The following LONP2 variants were observed in gnomAD, a reference collection of about 807,000 sequenced individuals.
The protein encoded by LONP2 is lon peptidase 2, peroxisomal.
A neutral mutation model predicts 85.6 loss-of-function variants in LONP2; 60 were observed. The observed-to-expected ratio is 0.70, with a 90% CI of 0.57 to 0.87. The LOEUF is 0.87. LONP2 is among the 40% of genes least tolerant of loss of function. LONP2 has a pLI of 0.00. For synonymous variants in LONP2, 395 were observed against 389.7 expected, an observed-to-expected ratio of 1.01 and a Z score of -0.16; for missense variants, 860 against 1,063.5, an observed-to-expected ratio of 0.81 and a Z score of 2.66.
intron 14 of LONP2, among the ~76,000 whole-genome samples, chr16:48,350,527 G>T (rs1960110517): frequency 6.6e-6 from 1 of 152,196 alleles, no homozygotes; most frequent in Non-Finnish European, 1.5e-5. Context: ...ACACTCTTTT[G>T]AAGAAGGTAC....
intron 6 of LONP2, among the ~76,000 whole-genome samples, chr16:48,267,435 G>A (rs187328274): frequency 4.2e-4 from 64 of 152,166 alleles, no homozygotes; most frequent in African/African-American, 1.4e-3. Flanking sequence ...AAGTAGCTGG[G>A]ATTACAGGCG....
intron 8 of LONP2, among the ~76,000 whole-genome samples, chr16:48,286,069 C>T (rs978302808): frequency 6.6e-6 from 1 of 151,676 alleles, no homozygotes. Flanking sequence ...ACTGACTTCA[C>T]TTAGTTTCCT....
chr16:48,252,044 G>A (rs1971663565), intron 1 of LONP2, 87 bp from the exon 2 acceptor site: 1 of 984,012 alleles, frequency 1.0e-6, no homozygotes, highest in Non-Finnish European at 1.4e-6. Flanking sequence ...CTTAATGAAT[G>A]TATCAGAAAA....
intron 12 of LONP2, among the ~76,000 whole-genome samples, chr16:48,339,918 G>A (rs1400208739): frequency 6.6e-6 from 1 of 152,114 alleles, no homozygotes; most frequent in East Asian, 1.9e-4. Context: ...GATGGTCAGG[G>A]GTTTCAGAGG....
At chr16:48,322,747 A>T (rs1350506358) in intron 11 of LONP2, among the ~76,000 whole-genome samples, 1 of 152,162 alleles carries the variant, frequency 6.6e-6, no homozygotes, top group East Asian at 1.9e-4. Flanking sequence ...TTTTTAAATG[A>T]AGCATAGTAA....
intron 10 of LONP2, 35 bp downstream of exon 10, chr16:48,299,823 G>C (rs1198135158): frequency 6.3e-7 from 1 of 1,592,712 alleles, no homozygotes; most frequent in African/African-American, 1.4e-5. Context: ...ATTAACTCCA[G>C]GCAACTTTTG....
At position 48,356,452 on chromosome 16, in the gene LONP2, T is replaced by A. The variant is rs1368940565; in HGVS notation, c.*4650T>A. Reference sequence around the variant, plus strand: ...GGTTGTTTCAATGAAGTAACATGTTTAAGCTCACATTATTTGAAGTACTTC... The same window carrying A: ...GGTTGTTTCAATGAAGTAACATGTTAAAGCTCACATTATTTGAAGTACTTC... On this transcript the variant is annotated 3_prime_UTR_variant, in exon 15 of 15. Transcript: ENST00000285737. 6.6e-6 allele frequency: 1 copy of A among 152,404 alleles called. No individual in the cohort carries two copies. The highest frequency in any genetic ancestry group is 2.4e-5 in the African/African-American group (1 of 41,014). The allele number at this position is 152,404 out of a possible 1,614,324, so 9.4% of individuals were successfully genotyped here.
chr16:48,280,238 CA>C (rs1972297774), intron 8 of LONP2, among the ~76,000 whole-genome samples: 1 of 152,050 alleles, frequency 6.6e-6, no homozygotes, highest in South Asian at 2.1e-4. Context: ...TATATTGGGA[CA>C]TTTTTTCAGG....
intron 11 of LONP2, 96 bp from the exon 12 acceptor site, chr16:48,334,120 T>G: frequency 3.7e-6 from 4 of 1,088,122 alleles, no homozygotes; most frequent in Non-Finnish European, 5.3e-6. Flanking sequence ...ACTGAACTTT[T>G]GAGGTCCACT....
At chr16:48,317,396 T>C (rs1403677610) in intron 11 of LONP2, among the ~76,000 whole-genome samples, 2 of 152,210 alleles carry the variant, frequency 1.3e-5, no homozygotes, top group South Asian at 2.1e-4. Flanking sequence ...AAACATACCA[T>C]CTACTCTGTC....
intron 11 of LONP2, among the ~76,000 whole-genome samples, chr16:48,303,741 G>T (rs946267827): frequency 7.2e-5 from 11 of 152,162 alleles, no homozygotes; most frequent in Non-Finnish European, 1.2e-4. Flanking sequence ...CCTTCAGTCT[G>T]TGGCCGAAGC....
At chr16:48,325,108 C>T (rs1359045981) in intron 11 of LONP2, among the ~76,000 whole-genome samples, 2 of 152,120 alleles carry the variant, frequency 1.3e-5, no homozygotes, top group Non-Finnish European at 2.9e-5. Context: ...ACTCTTCCAC[C>T]TCGGATCATC....
At chr16:48,359,649 G>A (rs1364797316), downstream of LONP2, among the ~76,000 whole-genome samples, 1 of 152,018 alleles carries the variant, frequency 6.6e-6, no homozygotes, top group Non-Finnish European at 1.5e-5. Context: ...CCAGGAGGCC[G>A]AGGTTGCAGT....
intron 12 of LONP2, among the ~76,000 whole-genome samples, chr16:48,337,944 A>G (rs1364990940): frequency 7.9e-5 from 12 of 152,142 alleles, no homozygotes; most frequent in African/African-American, 2.9e-4. Flanking sequence ...CTGGGACCAC[A>G]GGCGTGTGCT....
chr16:48,326,999 A>C (rs1205593018), intron 11 of LONP2, among the ~76,000 whole-genome samples: 5 of 152,190 alleles, frequency 3.3e-5, no homozygotes, highest in African/African-American at 4.8e-5. Flanking sequence ...TCCCTCCATA[A>C]TAGCTGTGCT....
chr16:48,251,410 G>A (rs1222645841), intron 1 of LONP2, among the ~76,000 whole-genome samples: 1 of 152,192 alleles, frequency 6.6e-6, no homozygotes, highest in Non-Finnish European at 1.5e-5. Flanking sequence ...GACTTGATCA[G>A]AGTTGTATTT....
chr16:48,322,281 A>T (rs1973281511), intron 11 of LONP2, among the ~76,000 whole-genome samples: 2 of 152,164 alleles, frequency 1.3e-5, no homozygotes. Context: ...AAAATTCACA[A>T]CTTCTGGCAT....
In LONP2 at chr16:48,362,353, TC is replaced by T. The variant is rs1409745579; in HGVS notation, c.*491del. On this transcript the variant is annotated 3_prime_UTR_variant, in exon 5 of 5. Coordinates refer to the LONP2 transcript ENST00000565867. This position sits in a 1 kb window ranked among gnomAD's most constrained non-coding sequence, Gnocchi z 4.2. ...TCATTGTTGGATGCAGTTGTGCCAG[TC>T]AGGGCAGGCACCCTCTGGGATGGTG... 6.2e-7 allele frequency: 1 copy of T among 1,614,184 alleles called. No individual in the cohort carries two copies.
In LONP2 at chr16:48,258,709, C is replaced by T. The variant is rs1469541574; in HGVS notation, c.692C>T (p.Thr231Ile). 5 of 1,611,238 alleles carry T rather than the reference C, an allele frequency of 3.1e-6. No homozygotes were observed. The highest frequency in any genetic ancestry group is 1.7e-5 in the Admixed American group (1 of 59,598). ...QIEGLKLLQK[T>I]RKPKQDDDKR... The stretch of plus-strand genomic sequence containing the variant: ...GAAGGCCTGAAATTGCTTCAAAAAA[C>T]CAGAAAACCCAAGCAAGATGATGAT... Residue 231 changes from threonine to isoleucine, a missense_variant, in exon 4 of 15, where the codon ACC becomes ATC. By Grantham distance (89) the Thr-to-Ile change is moderately conservative. This residue lies in a region of LONP2 where 743 missense variants were observed against 917.3 expected (regional missense o/e 0.81). Transcript: ENST00000285737.
Sources: allele counts gnomAD v4.1 joint callset (sites outside exome capture counted in the v4.1 genomes callset), GRCh38; gene constraint gnomAD v4.1.1; regional missense constraint gnomAD v4.1.1; non-coding constraint Gnocchi (gnomAD v3.1); transcripts MANE v1.5; gene names NCBI Gene and HGNC (gene_info 2026-07-23, HGNC 2026-07-21).